The following SEZ6L variants were observed in gnomAD, a reference collection of about 807,000 sequenced individuals.
SEZ6L encodes seizure related 6 homolog like.
A neutral mutation model predicts 106.2 loss-of-function variants in SEZ6L; 37 were observed. The observed-to-expected ratio is 0.35, with a 90% CI of 0.27 to 0.46. SEZ6L has a LOEUF of 0.46. Among genes scored for constraint, SEZ6L ranks in the 20% least tolerant of loss-of-function variants. The probability of loss-of-function intolerance (pLI) is 1.00; values close to 1 mark genes in which losing one functional copy is unlikely to be tolerated. For synonymous variants in SEZ6L, 541 were observed against 570.4 expected (o/e 0.95, Z 0.73); for missense variants, 1,172 against 1,332.8 (o/e 0.88, Z 1.88).
At position 26,379,713 on chromosome 22, in the gene SEZ6L, C is replaced by G. The variant is rs569191553; in HGVS notation, c.3046-553C>G. Among the ~76,000 whole-genome samples, 3 of 152,328 alleles carry G rather than the reference C, an allele frequency of 2.0e-5. No homozygotes were observed. The East Asian group carries it at 5.8e-4, about 29-fold the overall frequency. ...ATATGTTATTTTGCATTCTATGTAG[C>G]TTGCTTTGAAATCATGGGAAAAGGT... On this transcript the variant is annotated intron_variant, in intron 16 of 16. Coordinates refer to ENST00000248933, the MANE Select transcript of SEZ6L (RefSeq NM_021115.5).
At chr22:26,374,718 C>T (rs942782710) in intron 14 of SEZ6L, among the ~76,000 whole-genome samples, 4 of 152,148 alleles carry the variant, frequency 2.6e-5, no homozygotes, top group Admixed American at 2.6e-4. Flanking sequence ...TAGATGTGAC[C>T]GTGGAGAATG....
At chr22:26,196,545 T>A (rs1369919943) in intron 1 of SEZ6L, among the ~76,000 whole-genome samples, 1 of 152,028 alleles carries the variant, frequency 6.6e-6, no homozygotes, top group Non-Finnish European at 1.5e-5. Context: ...GCAGCAAAAT[T>A]TGGAGGCAAC....
rs560805094 is a variant in SEZ6L at position 26,316,156 on chromosome 22, AT to A, written c.2015+2256del. On this transcript the variant is annotated intron_variant, in intron 9 of 16. Transcript: ENST00000248933. The stretch of plus-strand genomic sequence containing the variant: ...TCTGGAATAAGATGCTTATTCATTC[AT>A]TCCAACCGAACTGTTTGAGTGTCTA... Among the ~76,000 whole-genome samples, 14 of 152,340 alleles carry A rather than the reference AT, an allele frequency of 9.2e-5. No homozygotes were observed. The South Asian group carries it at 2.9e-3, about 32-fold the overall frequency.
At chr22:26,307,965 T>C (rs1456407036) in intron 6 of SEZ6L, among the ~76,000 whole-genome samples, 1 of 152,150 alleles carries the variant, frequency 6.6e-6, no homozygotes, top group African/African-American at 2.4e-5. Flanking sequence ...GAGCTGACAC[T>C]TACCAGGAAA....
intron 9 of SEZ6L, among the ~76,000 whole-genome samples, chr22:26,326,059 C>A (rs867306520): frequency 6.6e-6 from 1 of 152,196 alleles, no homozygotes; most frequent in Non-Finnish European, 1.5e-5. Flanking sequence ...CTTCCTCTCC[C>A]CCACGATTTG....
intron 1 of SEZ6L, among the ~76,000 whole-genome samples, chr22:26,214,248 T>C (rs1168283679): frequency 6.6e-6 from 1 of 152,244 alleles, no homozygotes; most frequent in Non-Finnish European, 1.5e-5. Context: ...AGCAGCTCAC[T>C]TCACCTCTCT....
chr22:26,304,657 T>C (rs16981697), intron 5 of SEZ6L, among the ~76,000 whole-genome samples: 1,554 of 152,300 alleles, frequency 0.01, 33 homozygotes, highest in African/African-American at 0.036. Context: ...CAAGAAATAG[T>C]GAAGTGTAAG....
At chr22:26,264,901 T>C (rs1328278493) in intron 1 of SEZ6L, among the ~76,000 whole-genome samples, 3 of 152,186 alleles carry the variant, frequency 2.0e-5, no homozygotes, top group African/African-American at 4.8e-5. Context: ...AAGCAGCAAA[T>C]ATGAGTTTAT....
In SEZ6L at chr22:26,351,045, C is replaced by T. The variant is rs1437879998; in HGVS notation, c.2408-7C>T. 3.1e-6 allele frequency: 5 copies of T among 1,609,564 alleles called. No homozygotes were observed. The highest frequency in any genetic ancestry group is 2.2e-5 in the East Asian group (1 of 44,768). On this transcript the variant is annotated splice_polypyrimidine_tract_variant and splice_region_variant and intron_variant, in intron 11 of 16. Coordinates refer to ENST00000248933, the MANE Select transcript of SEZ6L (RefSeq NM_021115.5). ...ACGTCCTCTTGGTCTGGTTTCATCC[C>T]GTGTAGTTATGTACTGCACCGACCC... is the stretch of plus-strand genomic sequence containing the variant.
intron 1 of SEZ6L, among the ~76,000 whole-genome samples, chr22:26,217,260 A>G (rs1191924765): frequency 1.3e-5 from 2 of 152,148 alleles, no homozygotes; most frequent in East Asian, 3.8e-4. Context: ...AACACTGACT[A>G]TAACCCTCCA....
At position 26,303,164 on chromosome 22, in the gene SEZ6L, T is replaced by C. The variant is rs377623995; in HGVS notation, c.1349-2815T>C. 7.2e-5 allele frequency among the ~76,000 whole-genome samples: 11 copies of C among 152,246 alleles called. No individual in the cohort carries two copies. In the East Asian group the frequency reaches 1.9e-3, roughly 27 times the overall value. On this transcript the variant is annotated intron_variant, in intron 5 of 16. Coordinates refer to ENST00000248933, the MANE Select transcript of SEZ6L (RefSeq NM_021115.5). ...TTATTTCACAGAACAATCTCTCCTC[T>C]AGGACAGAAGGGCAGCCTGGAGAGA... is the stretch of plus-strand genomic sequence containing the variant.
intron 6 of SEZ6L, 47 bp downstream of exon 6, chr22:26,306,191 T>G (rs1358924074): frequency 7.5e-6 from 12 of 1,594,830 alleles, no homozygotes; most frequent in Non-Finnish European, 9.4e-6. Context: ...TCCCAGAATA[T>G]TAGAACATGG....
At chr22:26,301,727 A>G (rs1019516284) in intron 5 of SEZ6L, among the ~76,000 whole-genome samples, 1 of 152,048 alleles carries the variant, frequency 6.6e-6, no homozygotes, top group African/African-American at 2.4e-5. Context: ...CTGAGGGTGG[A>G]AAATGGGGGG....
At chr22:26,251,982 G>A (rs990723368) in intron 1 of SEZ6L, among the ~76,000 whole-genome samples, 1 of 152,124 alleles carries the variant, frequency 6.6e-6, no homozygotes, top group Non-Finnish European at 1.5e-5. Flanking sequence ...ACTCAATGGG[G>A]CAAAATAACT....
At chr22:26,312,966 G>A (rs761939644) in intron 8 of SEZ6L, among the ~76,000 whole-genome samples, 8 of 152,238 alleles carry the variant, frequency 5.3e-5, no homozygotes, top group Non-Finnish European at 7.3e-5. Flanking sequence ...GGCAGCCACC[G>A]CCTCAATGGC....
intron 1 of SEZ6L, among the ~76,000 whole-genome samples, chr22:26,231,557 T>C (rs1365190639): frequency 1.3e-5 from 2 of 152,094 alleles, no homozygotes; most frequent in Non-Finnish European, 2.9e-5. Flanking sequence ...CCAGTGAGAG[T>C]TTGCAGTAGG....
chr22:26,302,451 G>A (rs1601434862), intron 5 of SEZ6L, among the ~76,000 whole-genome samples: 1 of 152,182 alleles, frequency 6.6e-6, no homozygotes, highest in South Asian at 2.1e-4. Context: ...AGAGAGTATA[G>A]GTTGCCCTGC....
At chr22:26,368,055 C>T (rs1255369686) in intron 13 of SEZ6L, among the ~76,000 whole-genome samples, 1 of 152,312 alleles carries the variant, frequency 6.6e-6, no homozygotes, top group East Asian at 1.9e-4. Context: ...GCCAGTGGAT[C>T]TTAACCTTTA....
intron 1 of SEZ6L, among the ~76,000 whole-genome samples, chr22:26,261,902 T>A (rs1002675483): frequency 6.6e-6 from 1 of 152,070 alleles, no homozygotes; most frequent in Non-Finnish European, 1.5e-5. Flanking sequence ...GAGGTGGGAT[T>A]GGTCAAGGAG....
Sources: allele counts gnomAD v4.1 joint callset (sites outside exome capture counted in the v4.1 genomes callset), GRCh38; gene constraint gnomAD v4.1.1; transcripts MANE v1.5; gene names NCBI Gene and HGNC (gene_info 2026-07-23, HGNC 2026-07-21).